The following MGAT4C variants were observed in gnomAD, a reference collection of about 807,000 sequenced individuals.
MGAT4C encodes MGAT4 family member C, also known as alpha-1,3-mannosyl-glycoprotein 4-beta-N-acetylglucosaminyltransferase C.
Under a neutral mutation model 40.1 loss-of-function variants are expected in MGAT4C, and 19 were observed. The ratio of observed to expected loss-of-function variants is 0.47; its 90% CI spans 0.33 to 0.70. The LOEUF (loss-of-function observed/expected upper bound fraction) is 0.70, where lower values mean the gene tolerates loss of function less well. Ranked by LOEUF, MGAT4C falls within the 30% of genes least tolerant of loss-of-function variation. The pLI, the probability that MGAT4C is intolerant of heterozygous loss-of-function variation, is 0.02. For synonymous variants in MGAT4C, 181 were observed against 187.1 expected (o/e 0.97, Z 0.27); for missense variants, 491 against 563.2 (o/e 0.87, Z 1.30).
chr12:86,530,613 T>A (rs1958964494), intron 2 of MGAT4C, among the ~76,000 whole-genome samples: 1 of 152,070 alleles, frequency 6.6e-6, no homozygotes, highest in Admixed American at 6.6e-5. Flanking sequence ...AAGATTTACA[T>A]GTTTGATATT....
intron 1 of MGAT4C, among the ~76,000 whole-genome samples, chr12:86,236,228 G>T (rs765951826): frequency 2.1e-4 from 32 of 152,140 alleles, no homozygotes; most frequent in Admixed American, 1.7e-3. Flanking sequence ...AGGGTTGGTT[G>T]ATGTAGCGTC....
intron 1 of MGAT4C, among the ~76,000 whole-genome samples, chr12:86,817,025 TTTTC>T (rs1952619840): frequency 6.6e-6 from 1 of 151,116 alleles, no homozygotes; most frequent in Non-Finnish European, 1.5e-5. Context: ...ATGCCCCTTT[TTTTC>T]TTTCTTTCAG....
At chr12:86,073,034 A>T (rs1196254072) in intron 1 of MGAT4C, among the ~76,000 whole-genome samples, 1 of 152,156 alleles carries the variant, frequency 6.6e-6, no homozygotes, top group Non-Finnish European at 1.5e-5. Context: ...CACAAATCTC[A>T]TCTTGAATTT....
intron 1 of MGAT4C, among the ~76,000 whole-genome samples, chr12:86,791,563 A>G (rs111992218): frequency 0.016 from 2,408 of 152,112 alleles, 20 homozygotes; most frequent in African/African-American, 0.026. Context: ...TATTTAGGTG[A>G]TAGTATGCCC....
chr12:86,813,941 C>T (rs1035099718), intron 1 of MGAT4C, among the ~76,000 whole-genome samples: 4 of 151,620 alleles, frequency 2.6e-5, no homozygotes, highest in Non-Finnish European at 4.4e-5. Flanking sequence ...AACAGAGTCT[C>T]GCTCTGTTGC....
intron 2 of MGAT4C, among the ~76,000 whole-genome samples, chr12:86,601,739 CG>C (rs1480710128): frequency 1.3e-5 from 2 of 152,126 alleles, no homozygotes; most frequent in Non-Finnish European, 2.9e-5. Context: ...CCCACCCAAC[CG>C]GGAAGAAGTG....
intron 2 of MGAT4C, among the ~76,000 whole-genome samples, chr12:86,582,007 T>A (rs1960797553): frequency 6.6e-6 from 1 of 151,474 alleles, no homozygotes; most frequent in Non-Finnish European, 1.5e-5. Flanking sequence ...GGTGTAAGTA[T>A]CTATGATAAG....
rs750253961 is a variant in MGAT4C at position 86,038,056 on chromosome 12, A to C, written c.-7+11618T>G. Reference sequence around the variant, plus strand: ...GCCAATGCTACTATGGAGGCTGTGAAGGCCCTGAGCTCTGGAAGCCCACAC... The same window carrying C: ...GCCAATGCTACTATGGAGGCTGTGACGGCCCTGAGCTCTGGAAGCCCACAC... On this transcript the variant is annotated intron_variant, in intron 2 of 4. Transcript: ENST00000611864. Among the ~76,000 whole-genome samples, 17 of 149,716 alleles carry C rather than the reference A, an allele frequency of 1.1e-4. 1 individual carries two copies. Among genetic ancestry groups the C allele is most frequent in the Non-Finnish European group, 2.4e-4 (16 of 66,790 alleles).
At chr12:86,372,390 A>G (rs991732137) in intron 3 of MGAT4C, among the ~76,000 whole-genome samples, 1 of 151,906 alleles carries the variant, frequency 6.6e-6, no homozygotes, top group Non-Finnish European at 1.5e-5. Flanking sequence ...TTAAAAAGGA[A>G]AAAAGCAATT....
In MGAT4C at chr12:86,834,171, GATAGATATAGATATAGAT is replaced by G. The variant is rs63091261; in HGVS notation, c.-262+4477_-262+4494del. Among the ~76,000 whole-genome samples the G allele has an allele frequency of 6.0e-3, 891 of 147,302 alleles. 7 individuals carry two copies. The highest frequency in any genetic ancestry group is 0.018 in the African/African-American group (721 of 39,912). The stretch of plus-strand genomic sequence containing the variant: ...ACAGATCTATCTATAGATAGAGATA[GATAGATATAGATATAGAT>G]ATAGATATAGATATAGATATAGATA... On this transcript the variant is annotated intron_variant, in intron 1 of 7. Coordinates refer to the MGAT4C transcript ENST00000548651.
At chr12:86,829,689 T>G (rs1952880674) in intron 1 of MGAT4C, among the ~76,000 whole-genome samples, 1 of 151,436 alleles carries the variant, frequency 6.6e-6, no homozygotes, top group Admixed American at 6.6e-5. Flanking sequence ...TTTGGAGGCA[T>G]AAGTGTTTTG....
chr12:85,981,324 A>T lies in MGAT4C; in HGVS notation c.296-894T>A, dbSNP rs1884580371. On this transcript the variant is annotated intron_variant, in intron 4 of 4. Coordinates refer to ENST00000611864, the MANE Select transcript of MGAT4C (RefSeq NM_001351288.2). ...ACTTTTTAAAGCTCATTCTGATATT[A>T]ATCAGAATTGAATAACATTTCTAAG... 4.6e-5 allele frequency among the ~76,000 whole-genome samples: 7 copies of T among 152,186 alleles called. No homozygotes were observed. The South Asian group carries it at 1.4e-3, about 31-fold the overall frequency.
chr12:86,316,525 C>T (rs1954236556), intron 4 of MGAT4C, among the ~76,000 whole-genome samples: 1 of 152,134 alleles, frequency 6.6e-6, no homozygotes, highest in African/African-American at 2.4e-5. Context: ...CCATGGGACA[C>T]TAGGCAGCCA....
chr12:86,024,714 C>G (rs1213262093), intron 2 of MGAT4C, among the ~76,000 whole-genome samples: 2 of 151,746 alleles, frequency 1.3e-5, no homozygotes, highest in Non-Finnish European at 1.5e-5. Flanking sequence ...ATGTCATTAA[C>G]TATCCTACAG....
At chr12:86,556,547 A>C (rs915811350) in intron 2 of MGAT4C, among the ~76,000 whole-genome samples, 5 of 152,166 alleles carry the variant, frequency 3.3e-5, no homozygotes, top group Non-Finnish European at 7.3e-5. Flanking sequence ...CCTTGACATT[A>C]CTAGATGGCA....
intron 1 of MGAT4C, among the ~76,000 whole-genome samples, chr12:86,174,404 T>C (rs1416298593): frequency 6.6e-6 from 1 of 152,076 alleles, no homozygotes; most frequent in African/African-American, 2.4e-5. Context: ...CTTAATTTTG[T>C]TGTGTTATGT....
intron 1 of MGAT4C, among the ~76,000 whole-genome samples, chr12:86,753,681 A>T (rs556571039): frequency 6.6e-6 from 1 of 152,292 alleles, no homozygotes; most frequent in African/African-American, 2.4e-5. Flanking sequence ...AATATTAAAA[A>T]AAACCTCAAT....
At chr12:86,498,912 T>C (rs1323259593) in intron 2 of MGAT4C, among the ~76,000 whole-genome samples, 1 of 151,850 alleles carries the variant, frequency 6.6e-6, no homozygotes, top group African/African-American at 2.4e-5. Flanking sequence ...AAGAGAGAAG[T>C]CAAGACATTA....
chr12:86,028,245 T>C (rs778028954), intron 2 of MGAT4C: 129 of 1,121,172 alleles, frequency 1.2e-4, no homozygotes, highest in Non-Finnish European at 1.4e-4. Context: ...TCATTATTAT[T>C]AAAAGCTCCT....
Sources: gnomAD v4.1 joint callset for allele counts (sites outside exome capture counted in the v4.1 genomes callset) on GRCh38, gnomAD v4.1.1 for gene constraint, MANE v1.5 for transcripts, NCBI Gene and HGNC (gene_info 2026-07-23, HGNC 2026-07-21) for gene names.